DLG2: variants seen among roughly 807,000 people sequenced by gnomAD.
DLG2 encodes the protein discs large MAGUK scaffold protein 2, also known as disks large homolog 2.
DLG2 carries 45 observed loss-of-function variants against 132.5 expected under a neutral mutation model. The ratio of observed to expected loss-of-function variants is 0.34; its 90% CI spans 0.27 to 0.44. DLG2 has a LOEUF of 0.44. DLG2 is among the 20% of genes least tolerant of loss of function. DLG2 has a pLI of 1.00. For synonymous variants in DLG2, 424 were observed against 419.6 expected, an observed-to-expected ratio of 1.01 and a Z score of -0.13; for missense variants, 1,045 against 1,196.9, an observed-to-expected ratio of 0.87 and a Z score of 1.87.
chr11:84,985,361 C>T (rs1270174198), intron 6 of DLG2, among the ~76,000 whole-genome samples: 1 of 152,044 alleles, frequency 6.6e-6, no homozygotes, highest in East Asian at 1.9e-4. Flanking sequence ...AATTAAATAA[C>T]CTGCTCCCAA....
At chr11:83,738,437 T>C (rs1430393078) in intron 18 of DLG2, among the ~76,000 whole-genome samples, 4 of 152,110 alleles carry the variant, frequency 2.6e-5, no homozygotes, top group African/African-American at 9.7e-5. Flanking sequence ...ACTGGCATTA[T>C]TGTCCAAATG....
At chr11:84,396,040 C>A (rs1383544510) in intron 7 of DLG2, among the ~76,000 whole-genome samples, 4 of 152,192 alleles carry the variant, frequency 2.6e-5, no homozygotes, top group Non-Finnish European at 4.4e-5. Context: ...TAAAAGGTAG[C>A]CTGCTCTTAG....
intron 15 of DLG2, among the ~76,000 whole-genome samples, chr11:83,876,258 C>T (rs2064766919): frequency 1.3e-5 from 2 of 152,134 alleles, no homozygotes; most frequent in Admixed American, 1.3e-4. Context: ...GCTATATAAG[C>T]ATTTGTTAAA....
intron 2 of DLG2, among the ~76,000 whole-genome samples, chr11:85,612,552 G>A (rs1164302486): frequency 6.6e-6 from 1 of 152,228 alleles, no homozygotes; most frequent in Non-Finnish European, 1.5e-5. Context: ...CCAATTTTAA[G>A]TTAATATGGA....
chr11:84,958,297 GAA>G (rs1241450313), intron 6 of DLG2, among the ~76,000 whole-genome samples: 1 of 152,130 alleles, frequency 6.6e-6, no homozygotes, highest in Non-Finnish European at 1.5e-5. Flanking sequence ...ATTCTACGGA[GAA>G]AGAGTAGTTG....
chr11:83,744,109 C>G (rs1407908953), intron 18 of DLG2, among the ~76,000 whole-genome samples: 2 of 152,148 alleles, frequency 1.3e-5, no homozygotes, highest in African/African-American at 4.8e-5. Flanking sequence ...TACTGTCAAC[C>G]AAGCTTATCC....
chr11:84,425,706 A>G (rs1272956731), intron 7 of DLG2, among the ~76,000 whole-genome samples: 2 of 152,152 alleles, frequency 1.3e-5, no homozygotes, highest in Admixed American at 1.3e-4. Context: ...GAGAACATTA[A>G]AAACAGTCAT....
At chr11:84,356,191 C>G (rs946498298) in intron 7 of DLG2, among the ~76,000 whole-genome samples, 1 of 152,062 alleles carries the variant, frequency 6.6e-6, no homozygotes, top group East Asian at 1.9e-4. Flanking sequence ...TTATCCATTT[C>G]TATAGCAGGA....
chr11:84,763,628 A>C (rs1429640334), intron 6 of DLG2, among the ~76,000 whole-genome samples: 1 of 152,182 alleles, frequency 6.6e-6, no homozygotes, highest in Non-Finnish European at 1.5e-5. Flanking sequence ...GTGTCCCCTG[A>C]CATGCCACTG....
intron 6 of DLG2, among the ~76,000 whole-genome samples, chr11:85,057,659 C>G (rs1211517320): frequency 6.6e-6 from 1 of 151,376 alleles, no homozygotes; most frequent in African/African-American, 2.4e-5. Flanking sequence ...TCTTTTAAGG[C>G]CAGCGTATTT....
intron 6 of DLG2, among the ~76,000 whole-genome samples, chr11:85,082,213 G>C (rs1052270335): frequency 9.2e-5 from 14 of 152,030 alleles, no homozygotes; most frequent in Non-Finnish European, 1.8e-4. Flanking sequence ...GAAAAAACAA[G>C]AATACAGAAT....
chr11:85,180,459 A>G (rs558347750), intron 4 of DLG2, among the ~76,000 whole-genome samples: 1 of 151,934 alleles, frequency 6.6e-6, no homozygotes, highest in East Asian at 1.9e-4. Flanking sequence ...TACAGAACCA[A>G]CGATGTTGTG....
At chr11:83,968,230 A>G (rs548454172) in intron 12 of DLG2, among the ~76,000 whole-genome samples, 15 of 152,134 alleles carry the variant, frequency 9.9e-5, no homozygotes, top group Non-Finnish European at 1.6e-4. Context: ...ATTTTGCTCC[A>G]TGTTGCTATG....
intron 18 of DLG2, among the ~76,000 whole-genome samples, chr11:83,713,967 T>A (rs941486129): frequency 1.3e-5 from 2 of 152,144 alleles, no homozygotes; most frequent in Non-Finnish European, 2.9e-5. Context: ...GTATCAAAAG[T>A]GTGAAGTAAG....
chr11:84,445,307 C>CT (rs2099030247), intron 7 of DLG2, among the ~76,000 whole-genome samples: 1 of 152,102 alleles, frequency 6.6e-6, no homozygotes, highest in Non-Finnish European at 1.5e-5. Context: ...TTTTAATAGT[C>CT]TTTCTGCAAA....
rs146874111 is a variant in DLG2 at position 83,501,571 on chromosome 11, T to C, written c.2194-17343A>G. ...GTTGATCGCTGAGGATCTCTGAGGT[T>C]TCTTTCATCTCTACCATTCTCAAAT... On this transcript the variant is annotated intron_variant, in intron 21 of 27. Coordinates refer to ENST00000376104, the MANE Select transcript of DLG2 (RefSeq NM_001142699.3). Among the ~76,000 whole-genome samples, 38 of 152,286 alleles carry C rather than the reference T, an allele frequency of 2.5e-4. 1 individual carries two copies. Among genetic ancestry groups the C allele is most frequent in the African/African-American group, 8.7e-4 (36 of 41,578 alleles).
intron 7 of DLG2, among the ~76,000 whole-genome samples, chr11:84,348,208 T>C (rs1053575638): frequency 3.3e-5 from 5 of 152,228 alleles, no homozygotes; most frequent in African/African-American, 9.6e-5. Flanking sequence ...TTATTTAGCA[T>C]AGATAAATTA....
chr11:84,182,410 G>A lies in DLG2; in HGVS notation c.574-18899C>T, dbSNP rs2096157514. Among the ~76,000 whole-genome samples the A allele has an allele frequency of 4.0e-5, 6 of 151,738 alleles. 1 individual carries two copies. In the South Asian group the frequency reaches 1.2e-3, roughly 32 times the overall value. ...GGCAGTCATGGTGGCTTGTGCCTGTGGTCCCAGCTACTTGAAAGGCTGACG... is the reference window on the plus strand; with the variant it reads ...GGCAGTCATGGTGGCTTGTGCCTGTAGTCCCAGCTACTTGAAAGGCTGACG... On this transcript the variant is annotated intron_variant, in intron 8 of 27. Transcript: ENST00000376104.
At chr11:83,925,337 C>G (rs180958564) in intron 15 of DLG2, among the ~76,000 whole-genome samples, 86 of 152,254 alleles carry the variant, frequency 5.6e-4, no homozygotes, top group Admixed American at 1.6e-3. Context: ...TAAACCTCTT[C>G]TGGTTCTGAG....
Sources: allele counts gnomAD v4.1 joint callset (sites outside exome capture counted in the v4.1 genomes callset), GRCh38; gene constraint gnomAD v4.1.1; transcripts MANE v1.5; gene names NCBI Gene and HGNC (gene_info 2026-07-23, HGNC 2026-07-21).